Variants in WDPCP observed in about 807,000 individuals in gnomAD.
WDPCP encodes the protein WD repeat-containing and planar cell polarity effector protein fritz homolog.
Under a neutral mutation model 93.1 loss-of-function variants are expected in WDPCP, and 71 were observed. The observed-to-expected ratio is 0.76, with a 90% confidence interval of 0.63 to 0.93. The LOEUF (loss-of-function observed/expected upper bound fraction) is 0.93. Among genes scored for constraint, WDPCP ranks in the 40% least tolerant of loss-of-function variants. WDPCP has a pLI of 0.00. For synonymous variants in WDPCP, 315 were observed against 315.0 expected, an observed-to-expected ratio of 1.00 and a Z score of 0.00; for missense variants, 844 against 887.4, an observed-to-expected ratio of 0.95 and a Z score of 0.62.
rs142655272 is a variant in WDPCP at position 63,148,378 on chromosome 2, C to T, written c.2190+4536G>A. Among the ~76,000 whole-genome samples the T allele has an allele frequency of 3.3e-3, 502 of 152,266 alleles. 3 individuals are homozygous for T. The highest frequency in any genetic ancestry group is 5.6e-3 in the Non-Finnish European group (379 of 68,016). On this transcript the variant is annotated intron_variant, in intron 17 of 17. Transcript: ENST00000272321. ...CTTTTGAGACAGAGTCTCATTCTGT[C>T]GCCCAGGCTGGAGTGCGGTGGCATG... is the stretch of plus-strand genomic sequence containing the variant.
intron 2 of WDPCP, among the ~76,000 whole-genome samples, chr2:63,759,336 G>T (rs1223785462): frequency 2.0e-5 from 3 of 152,136 alleles, no homozygotes; most frequent in African/African-American, 7.2e-5. Context: ...CAGTAAGCTG[G>T]CATGGAAAGT....
At position 63,529,565 on chromosome 2, in the gene WDPCP, C is replaced by T. The variant is rs180738632; in HGVS notation, c.76-36625G>A. Among the ~76,000 whole-genome samples, 317 of 152,260 alleles carry T rather than the reference C, an allele frequency of 2.1e-3. 4 individuals carry two copies. Among genetic ancestry groups the T allele is most frequent in the African/African-American group, 6.4e-3 (266 of 41,542 alleles). On this transcript the variant is annotated intron_variant, in intron 1 of 17. Coordinates refer to ENST00000272321, the MANE Select transcript of WDPCP (RefSeq NM_015910.7). ...CAGGCTTGCATCCCAGGGATGAAAC[C>T]GACTTCATCATGGTGGACAAGCTTT...
chr2:63,509,342 A>G (rs1702076912), intron 1 of WDPCP, among the ~76,000 whole-genome samples: 1 of 152,208 alleles, frequency 6.6e-6, no homozygotes, highest in South Asian at 2.1e-4. Context: ...TACTGGGTAA[A>G]TAACAAAATT....
intron 2 of WDPCP, among the ~76,000 whole-genome samples, chr2:63,800,810 T>C (rs1176192571): frequency 6.6e-6 from 1 of 152,136 alleles, no homozygotes; most frequent in Non-Finnish European, 1.5e-5. Flanking sequence ...CCAAGCACTT[T>C]GGGAGGGCTG....
intron 12 of WDPCP, among the ~76,000 whole-genome samples, chr2:63,331,697 T>C (rs1288118981): frequency 1.3e-5 from 2 of 152,202 alleles, no homozygotes; most frequent in East Asian, 1.9e-4. Flanking sequence ...CCTTCAGGCT[T>C]TGAAAAACAA....
At chr2:63,660,699 T>G (rs971824289) in intron 2 of WDPCP, among the ~76,000 whole-genome samples, 2 of 152,254 alleles carry the variant, frequency 1.3e-5, no homozygotes, top group Non-Finnish European at 2.9e-5. Context: ...AAACTATTTT[T>G]GATTTCTGTG....
At chr2:63,480,749 G>C (rs756418137) in intron 6 of WDPCP, among the ~76,000 whole-genome samples, 32 of 151,992 alleles carry the variant, frequency 2.1e-4, no homozygotes, top group Non-Finnish European at 4.1e-4. Flanking sequence ...GATGGATTAA[G>C]GACTTACACC....
At chr2:63,588,880 A>T (rs1453679158), upstream of WDPCP, 1 of 879,412 alleles carries the variant, frequency 1.1e-6, no homozygotes, top group African/African-American at 1.7e-5. Context: ...TTGCGCCACA[A>T]CCAGGGCAGC....
chr2:63,390,168 T>C (rs781266707), intron 10 of WDPCP, among the ~76,000 whole-genome samples: 5 of 152,132 alleles, frequency 3.3e-5, no homozygotes, highest in Non-Finnish European at 7.4e-5. Flanking sequence ...TCAGCAAATG[T>C]AGAAGAACAG....
chr2:63,716,472 G>A (rs1669337886), intron 2 of WDPCP, among the ~76,000 whole-genome samples: 1 of 152,080 alleles, frequency 6.6e-6, no homozygotes, highest in Non-Finnish European at 1.5e-5. Context: ...CGTCTTTATT[G>A]TCCTCAGAAG....
chr2:63,122,307 T>C (rs534354532), intron 17 of WDPCP, among the ~76,000 whole-genome samples: 4 of 152,170 alleles, frequency 2.6e-5, no homozygotes, highest in Non-Finnish European at 4.4e-5. Flanking sequence ...AGGATGTTAA[T>C]TGAAATTTAG....
intron 2 of WDPCP, among the ~76,000 whole-genome samples, chr2:63,744,470 T>C (rs1014497811): frequency 5.9e-5 from 9 of 152,128 alleles, no homozygotes; most frequent in Admixed American, 5.2e-4. Flanking sequence ...AGTTACACTG[T>C]CCATACTTCT....
At chr2:63,567,325 G>A (rs943693849) in intron 1 of WDPCP, among the ~76,000 whole-genome samples, 1 of 152,140 alleles carries the variant, frequency 6.6e-6, no homozygotes, top group African/African-American at 2.4e-5. Flanking sequence ...CCAGCCACCA[G>A]TCATCTTAGC....
At chr2:63,813,156 A>G (rs1670885467) in intron 2 of WDPCP, among the ~76,000 whole-genome samples, 1 of 152,192 alleles carries the variant, frequency 6.6e-6, no homozygotes, top group South Asian at 2.1e-4. Flanking sequence ...TGCTCAGCCA[A>G]AAATCACTTG....
rs114812219 is a variant in WDPCP, at chr2:63,770,837, G to A, written n.308+42785C>T. Among the ~76,000 whole-genome samples, 630 of 151,848 alleles carry A rather than the reference G, an allele frequency of 4.1e-3. 2 individuals carry two copies. The highest frequency in any genetic ancestry group is 0.014 in the African/African-American group (589 of 41,472). On this transcript the variant is annotated intron_variant and non_coding_transcript_variant, in intron 2 of 4. Coordinates refer to the WDPCP transcript ENST00000467687. ...TAGGTGAAAGACTCCAACTGTCTTCGATTAAGCCTGACATTAAAAGAGATT... is the reference window on the plus strand; with the variant it reads ...TAGGTGAAAGACTCCAACTGTCTTCAATTAAGCCTGACATTAAAAGAGATT...
At chr2:63,270,168 C>G (rs762476174) in intron 13 of WDPCP, among the ~76,000 whole-genome samples, 2 of 152,114 alleles carry the variant, frequency 1.3e-5, no homozygotes, top group Non-Finnish European at 2.9e-5. Flanking sequence ...GTTCCACAGT[C>G]TTTCTTGTAT....
intron 10 of WDPCP, among the ~76,000 whole-genome samples, chr2:63,385,836 C>A (rs1692687312): frequency 6.6e-6 from 1 of 151,902 alleles, no homozygotes; most frequent in Non-Finnish European, 1.5e-5. Flanking sequence ...CTAACAGTAC[C>A]TGATTTCAAG....
At chr2:63,510,836 C>T (rs767587738) in intron 1 of WDPCP, among the ~76,000 whole-genome samples, 16 of 152,080 alleles carry the variant, frequency 1.1e-4, no homozygotes, top group Non-Finnish European at 2.1e-4. Context: ...ATTCACCAGG[C>T]GTGGTGGCGG....
At chr2:63,390,168 TAGA>T (rs1265548114) in intron 10 of WDPCP, among the ~76,000 whole-genome samples, 1 of 152,132 alleles carries the variant, frequency 6.6e-6, no homozygotes, top group African/African-American at 2.4e-5. Flanking sequence ...TCAGCAAATG[TAGA>T]AGAACAGAAA....
Sources: allele counts gnomAD v4.1 joint callset (sites outside exome capture counted in the v4.1 genomes callset), GRCh38; gene constraint gnomAD v4.1.1; transcripts MANE v1.5; gene names NCBI Gene and HGNC (gene_info 2026-07-23, HGNC 2026-07-21).